The following USH2A variants were observed in gnomAD, a reference collection of about 807,000 sequenced individuals.
The protein encoded by USH2A is Usher syndrome 2A (autosomal recessive, mild).
USH2A carries 443 observed loss-of-function variants against 538.9 expected under a neutral mutation model. That is an observed-to-expected ratio of 0.82 (90% CI 0.76 to 0.89). The LOEUF is 0.89. Ranked by LOEUF, USH2A falls within the 40% of genes least tolerant of loss-of-function variation. The pLI, the probability that USH2A is intolerant of heterozygous loss-of-function variation, is 0.00. For missense variants in USH2A, 6,633 were observed against 6,324.8 expected (o/e 1.05, Z -1.65); for synonymous variants, 2,413 against 2,273.5 (o/e 1.06, Z -1.75).
At chr1:216,185,724 G>T (rs2034586158) in intron 20 of USH2A, among the ~76,000 whole-genome samples, 1 of 151,876 alleles carries the variant, frequency 6.6e-6, no homozygotes, top group Non-Finnish European at 1.5e-5. Context: ...TAGCAAAATT[G>T]TTGACCATTC....
chr1:216,115,754 G>A lies in USH2A; in HGVS notation c.4628-18541C>T, dbSNP rs577571161. On this transcript the variant is annotated intron_variant, in intron 21 of 71. Coordinates refer to ENST00000307340, the MANE Select transcript of USH2A (RefSeq NM_206933.4). ...CTATTACATAAATATACCCCACATTGAATTCATTTGGAAAACAATTGTGTC... is the reference window on the plus strand; with the variant it reads ...CTATTACATAAATATACCCCACATTAAATTCATTTGGAAAACAATTGTGTC... Among the ~76,000 whole-genome samples, 5 of 151,542 alleles carry A rather than the reference G, an allele frequency of 3.3e-5. 1 individual carries two copies. Among genetic ancestry groups the A allele is most frequent in the African/African-American group, 1.2e-4 (5 of 41,302 alleles).
intron 32 of USH2A, among the ~76,000 whole-genome samples, chr1:216,030,635 AT>A (rs1431969539): frequency 6.4e-3 from 931 of 145,862 alleles, no homozygotes; most frequent in East Asian, 0.011. Context: ...CAGATATATA[AT>A]ATATACGATA....
At chr1:216,223,195 A>T (rs987898659) in intron 14 of USH2A, among the ~76,000 whole-genome samples, 2 of 152,188 alleles carry the variant, frequency 1.3e-5, no homozygotes, top group African/African-American at 4.8e-5. Flanking sequence ...CACCAATAAT[A>T]GGAAGCTACT....
chr1:215,972,669 A>AT (rs1434097844), intron 35 of USH2A, among the ~76,000 whole-genome samples: 1 of 152,130 alleles, frequency 6.6e-6, no homozygotes, highest in Admixed American at 6.6e-5. Context: ...GCTGTGATTC[A>AT]TTTTCCTTTA....
chr1:215,945,136 C>T (rs1216295837), intron 37 of USH2A, among the ~76,000 whole-genome samples: 1 of 151,914 alleles, frequency 6.6e-6, no homozygotes, highest in Non-Finnish European at 1.5e-5. Flanking sequence ...AATAAGCATT[C>T]GATATGTAAA....
At chr1:215,845,722 C>A (rs1172295009) in intron 45 of USH2A, 102 bp downstream of exon 45, 3 of 1,337,874 alleles carry the variant, frequency 2.2e-6, no homozygotes, top group South Asian at 1.2e-5. Context: ...CCTCCCACAC[C>A]GGAAATTTTA....
chr1:216,152,160 C>T (rs1270220123), intron 21 of USH2A, among the ~76,000 whole-genome samples: 1 of 152,114 alleles, frequency 6.6e-6, no homozygotes, highest in African/African-American at 2.4e-5. Context: ...GCCGCCCCAA[C>T]ACTTCAATAC....
chr1:216,064,497 A>G (rs1018602948), intron 30 of USH2A, among the ~76,000 whole-genome samples: 45 of 150,206 alleles, frequency 3.0e-4, no homozygotes, highest in African/African-American at 1.1e-3. Flanking sequence ...CTTGCTAGGG[A>G]TTGTTTTTTT....
intron 21 of USH2A, among the ~76,000 whole-genome samples, chr1:216,138,942 G>GTA (rs549349020): frequency 6.9e-4 from 100 of 144,846 alleles, no homozygotes; most frequent in African/African-American, 1.4e-3. Context: ...GTGTGTGTGT[G>GTA]TATATATATG....
chr1:216,111,207 G>C (rs1157843383), intron 21 of USH2A, among the ~76,000 whole-genome samples: 1 of 152,100 alleles, frequency 6.6e-6, no homozygotes, highest in Non-Finnish European at 1.5e-5. Context: ...CTCTAGCCTG[G>C]GTGACTGAGT....
intron 9 of USH2A, among the ~76,000 whole-genome samples, chr1:216,313,334 T>A (rs570166857): frequency 1.8e-4 from 27 of 152,276 alleles, no homozygotes; most frequent in African/African-American, 6.3e-4. Flanking sequence ...CCCTGTTCTA[T>A]GATTCTAGGA....
At chr1:216,184,870 A>T (rs574415435) in intron 20 of USH2A, among the ~76,000 whole-genome samples, 2 of 151,934 alleles carry the variant, frequency 1.3e-5, no homozygotes, top group African/African-American at 4.8e-5. Flanking sequence ...CAGAAAGAAA[A>T]TTTAATGCAC....
intron 49 of USH2A, among the ~76,000 whole-genome samples, chr1:215,805,302 A>G (rs1662468573): frequency 6.6e-6 from 1 of 152,062 alleles, no homozygotes; most frequent in Non-Finnish European, 1.5e-5. Context: ...AAAGAAAGAA[A>G]ATGCACTAAG....
intron 22 of USH2A, among the ~76,000 whole-genome samples, chr1:216,096,467 T>C (rs1170746059): frequency 6.6e-6 from 1 of 152,228 alleles, no homozygotes; most frequent in Non-Finnish European, 1.5e-5. Flanking sequence ...TTGATTTGTA[T>C]CTCAGTTAAA....
intron 58 of USH2A, 55 bp from the exon 59 acceptor site, chr1:215,743,390 G>T: frequency 4.0e-6 from 1 of 250,232 alleles, no homozygotes; most frequent in South Asian, 4.3e-5. Context: ...ATATATATGT[G>T]TGTGTGTGTG....
At chr1:215,628,134 G>A (rs866684734) in intron 71 of USH2A, among the ~76,000 whole-genome samples, 5 of 149,932 alleles carry the variant, frequency 3.3e-5, no homozygotes, top group South Asian at 2.1e-4. Context: ...TTCTTTTTGC[G>A]TCTACCCATA....
chr1:216,401,585 C>G (rs1234235332), intron 3 of USH2A, among the ~76,000 whole-genome samples: 1 of 151,882 alleles, frequency 6.6e-6, no homozygotes, highest in Non-Finnish European at 1.5e-5. Context: ...CAACACAGGT[C>G]AGTTGAAATT....
intron 21 of USH2A, among the ~76,000 whole-genome samples, chr1:216,144,598 T>C (rs1210384819): frequency 1.3e-5 from 2 of 152,196 alleles, no homozygotes; most frequent in Non-Finnish European, 2.9e-5. Context: ...GAAAATAGTT[T>C]AGTCAGGTAG....
chr1:216,138,820 AAAAC>A (rs1194624765), intron 21 of USH2A, among the ~76,000 whole-genome samples: 1 of 152,210 alleles, frequency 6.6e-6, no homozygotes, highest in East Asian at 1.9e-4. Context: ...GGCAAAGAAT[AAAAC>A]AGACAGGAAG....
Sources: allele counts gnomAD v4.1 joint callset (sites outside exome capture counted in the v4.1 genomes callset), GRCh38; gene constraint gnomAD v4.1.1; transcripts MANE v1.5; gene names NCBI Gene and HGNC (gene_info 2026-07-23, HGNC 2026-07-21).